AKR1C3: variants seen among roughly 807,000 people sequenced by gnomAD.
AKR1C3 encodes the protein aldo-keto reductase family 1 member C3.
In AKR1C3, 48 loss-of-function variants were observed where a neutral mutation model predicts 43.6. That is an observed-to-expected ratio of 1.10 (90% confidence interval 0.87 to 1.40). AKR1C3 has a LOEUF of 1.40. Ranked by LOEUF, AKR1C3 falls within the 40% of genes most tolerant of loss-of-function variation. The pLI is 0.00. For synonymous variants in AKR1C3, 162 were observed against 139.6 expected (o/e 1.16, Z -1.13); for missense variants, 482 against 391.2 (o/e 1.23, Z -1.96).
Position 5,070,085 on chromosome 10 carries a change from G to T in AKR1C3, c.84+21190G>T, listed in dbSNP as rs1161272859. ...CCCTTAAGCAAACTGGTTGGTGACGGTTAGGTGCCTTCACATGGACACCCT... is the reference window on the plus strand; with the variant it reads ...CCCTTAAGCAAACTGGTTGGTGACGTTTAGGTGCCTTCACATGGACACCCT... On this transcript the variant is annotated intron_variant, in intron 1 of 8. Transcript: ENST00000439082. 5.3e-5 allele frequency among the ~76,000 whole-genome samples: 8 copies of T among 152,350 alleles called. No homozygotes were observed. The East Asian group carries it at 1.5e-3, about 29-fold the overall frequency.
At chr10:5,050,198 C>T (rs1022721946) in intron 1 of AKR1C3, among the ~76,000 whole-genome samples, 2 of 152,224 alleles carry the variant, frequency 1.3e-5, no homozygotes, top group Non-Finnish European at 2.9e-5. Flanking sequence ...CATTTCAAAT[C>T]TCTTTCTTTT....
At chr10:5,073,160 C>T (rs1277953364) in intron 1 of AKR1C3, among the ~76,000 whole-genome samples, 1 of 152,072 alleles carries the variant, frequency 6.6e-6, no homozygotes, top group Non-Finnish European at 1.5e-5. Context: ...GATGTGATTT[C>T]ACCATGTTGG....
intron 1 of AKR1C3, among the ~76,000 whole-genome samples, chr10:5,055,824 A>G (rs1554779485): frequency 6.6e-6 from 1 of 152,178 alleles, no homozygotes; most frequent in African/African-American, 2.4e-5. Flanking sequence ...TGATTAGGGT[A>G]TAGAAGGGCC....
intron 3 of AKR1C3, 52 bp downstream of exon 3, chr10:5,097,602 T>C (rs183337621): frequency 1.9e-6 from 3 of 1,610,358 alleles, no homozygotes; most frequent in Middle Eastern, 1.7e-4. Flanking sequence ...ATTATAAACA[T>C]TGTTTATCTG....
upstream of AKR1C3, chr10:5,094,197 TTAA>T (rs1385828058): frequency 4.1e-5 from 10 of 245,470 alleles, no homozygotes; most frequent in East Asian, 1.1e-4. Flanking sequence ...TAGATAGAAA[TTAA>T]TGAGTTTATT....
At chr10:5,070,889 T>C (rs1350263442) in intron 1 of AKR1C3, among the ~76,000 whole-genome samples, 3 of 152,210 alleles carry the variant, frequency 2.0e-5, no homozygotes, top group African/African-American at 2.4e-5. Context: ...TCTTTTGTTA[T>C]AGCAGCTGTC....
chr10:5,103,493 A>G (rs1376429765), intron 7 of AKR1C3, among the ~76,000 whole-genome samples: 4 of 152,188 alleles, frequency 2.6e-5, no homozygotes, highest in African/African-American at 7.2e-5. Flanking sequence ...GAAAATTAGC[A>G]TGGCCTCAGC....
chr10:5,075,128 C>A (rs916982222), intron 1 of AKR1C3, among the ~76,000 whole-genome samples: 1 of 152,114 alleles, frequency 6.6e-6, no homozygotes, highest in Non-Finnish European at 1.5e-5. Flanking sequence ...CTAGCCAGGC[C>A]TCCTCTTTTC....
chr10:5,075,804 G>A (rs1008592647), intron 1 of AKR1C3, among the ~76,000 whole-genome samples: 1 of 152,016 alleles, frequency 6.6e-6, no homozygotes, highest in Non-Finnish European at 1.5e-5. Flanking sequence ...AACCCGGGAG[G>A]CAGAGGTTGC....
At chr10:5,080,946 G>A (rs1292951125) in intron 1 of AKR1C3, 1 of 151,972 alleles carries the variant, frequency 6.6e-6, no homozygotes, top group Admixed American at 6.6e-5. Context: ...GTTTTAGAAT[G>A]GGGTTTTCAA....
Position 5,087,376 on chromosome 10 carries a change from C to CTTT in AKR1C3, c.85-9033_85-9031dup, listed in dbSNP as rs1564364889. On this transcript the variant is annotated intron_variant, in intron 1 of 8. Coordinates refer to the AKR1C3 transcript ENST00000439082. ...AGTTTTAATGTCACCTTTATCATTT[C>CTTT]TTTCTTTTTTTTTTTTTTTTGAGGC... Among the ~76,000 whole-genome samples the CTTT allele has an allele frequency of 1.5e-4, 7 of 45,366 alleles. 2 individuals are homozygous for CTTT. The highest frequency in any genetic ancestry group is 2.5e-4 in the Admixed American group (1 of 3,990). The allele number at this position is 45,366 out of a possible 152,430, so 29.8% of individuals were successfully genotyped here.
intron 7 of AKR1C3, 68 bp downstream of exon 7, chr10:5,102,718 G>C (rs1054629754): frequency 1.4e-6 from 2 of 1,468,486 alleles, no homozygotes; most frequent in Admixed American, 2.6e-5. Context: ...TTCTTGTAAG[G>C]CTCTCAGGAC....
chr10:5,096,720 G>A (rs1387132032), intron 2 of AKR1C3, 143 bp downstream of exon 2: 18 of 1,363,220 alleles, frequency 1.3e-5, no homozygotes, highest in Non-Finnish European at 1.7e-5. Flanking sequence ...TACTAAAACT[G>A]AAATCAAAAT....
At chr10:5,053,031 G>T (rs1380743675) in intron 1 of AKR1C3, among the ~76,000 whole-genome samples, 1 of 152,244 alleles carries the variant, frequency 6.6e-6, no homozygotes, top group Non-Finnish European at 1.5e-5. Context: ...CCCTTAGCTA[G>T]ACATAAAGGT....
intron 1 of AKR1C3, among the ~76,000 whole-genome samples, chr10:5,071,124 T>A (rs1838605901): frequency 6.6e-6 from 1 of 152,224 alleles, no homozygotes; most frequent in Non-Finnish European, 1.5e-5. Flanking sequence ...TTACTGTGCT[T>A]TATGTTGCTA....
At chr10:5,052,711 G>C (rs782470793) in intron 1 of AKR1C3, among the ~76,000 whole-genome samples, 119 of 151,810 alleles carry the variant, frequency 7.8e-4, no homozygotes, top group Non-Finnish European at 1.4e-3. Context: ...AGAAACAAAG[G>C]TTCTCCACGT....
upstream of AKR1C3, chr10:5,094,340 T>A: frequency 2.8e-6 from 3 of 1,086,772 alleles, no homozygotes; most frequent in Non-Finnish European, 4.0e-6. Flanking sequence ...TGGTTAACCA[T>A]CAGTCAGTTT....
At chr10:5,054,638 T>G (rs1177799803) in intron 1 of AKR1C3, among the ~76,000 whole-genome samples, 1 of 152,220 alleles carries the variant, frequency 6.6e-6, no homozygotes, top group Non-Finnish European at 1.5e-5. Flanking sequence ...CTTTGACTTC[T>G]TTGTCTCTTC....
chr10:5,106,102 C>T (rs886623107), intron 8 of AKR1C3, among the ~76,000 whole-genome samples: 3 of 152,200 alleles, frequency 2.0e-5, no homozygotes, highest in Admixed American at 6.5e-5. Context: ...GTCCAGGTGC[C>T]AATTCCCACC....
Sources: gnomAD v4.1 joint callset for allele counts (sites outside exome capture counted in the v4.1 genomes callset) on GRCh38, gnomAD v4.1.1 for gene constraint, MANE v1.5 for transcripts, NCBI Gene and HGNC (gene_info 2026-07-23, HGNC 2026-07-21) for gene names.